Variants in CBFA2T3 observed in about 807,000 individuals in gnomAD.
CBFA2T3 encodes transcriptional corepressor CBFA2T3.
Under a neutral mutation model 58.6 loss-of-function variants are expected in CBFA2T3, and 31 were observed. The observed-to-expected ratio is 0.53, with a 90% confidence interval of 0.40 to 0.71. The LOEUF is 0.71. CBFA2T3 is among the 30% of genes least tolerant of loss of function. The pLI is 0.00. For missense variants in CBFA2T3, 1,076 were observed against 963.1 expected (o/e 1.12, Z -1.55); for synonymous variants, 531 against 421.9 (o/e 1.26, Z -3.17).
chr16:88,879,602 TTGA>T, intron 10 of CBFA2T3, 142 bp from the exon 11 acceptor site: 1 of 704,404 alleles, frequency 1.4e-6, no homozygotes, highest in South Asian at 1.8e-5. Flanking sequence ...AAGGCACATG[TTGA>T]TGGGGCTGTA....
chr16:88,884,938 GCA>G, intron 7 of CBFA2T3, 106 bp downstream of exon 7: 1 of 802,382 alleles, frequency 1.2e-6, no homozygotes, highest in Non-Finnish European at 1.9e-6. Context: ...GAGCTCAGGT[GCA>G]CACAGCTGCC....
At chr16:88,882,615 T>TGTGGGCGTGGCTGTGC in intron 8 of CBFA2T3, 61 bp downstream of exon 8, 1 of 1,039,278 alleles carries the variant, frequency 9.6e-7, no homozygotes, top group Non-Finnish European at 1.4e-6. Flanking sequence ...CGTGGCTGTG[T>TGTGGGCGTGGCTGTGC]GTGTGCGTGG....
intron 1 of CBFA2T3, among the ~76,000 whole-genome samples, chr16:88,969,365 G>A (rs568079516): frequency 6.6e-6 from 1 of 152,360 alleles, no homozygotes; most frequent in African/African-American, 2.4e-5. Flanking sequence ...CTCCCTCCCG[G>A]CTGGTGCCTC....
intron 1 of CBFA2T3, chr16:88,951,256 T>G (rs1026936306): frequency 2.2e-6 from 1 of 447,218 alleles, no homozygotes; most frequent in Non-Finnish European, 4.5e-6. Context: ...TTGGCACCTG[T>G]CTTCCGGGTC....
intron 1 of CBFA2T3, among the ~76,000 whole-genome samples, chr16:88,975,317 C>T (rs993093459): frequency 3.4e-5 from 5 of 149,162 alleles, no homozygotes; most frequent in African/African-American, 1.2e-4. Flanking sequence ...CACCTCTTGG[C>T]CCTAACCTCC....
intron 1 of CBFA2T3, among the ~76,000 whole-genome samples, chr16:88,934,832 C>T (rs1971443769): frequency 6.6e-6 from 1 of 152,186 alleles, no homozygotes; most frequent in South Asian, 2.1e-4. Context: ...CTCTGCCTCC[C>T]GGGTTCACGC....
rs200143043 is a variant in CBFA2T3, at chr16:88,891,966, C to T, written c.627G>A (p.Ser209=). The T allele has an allele frequency of 6.6e-5, 107 of 1,612,510 alleles. No homozygotes were observed. The highest frequency in any genetic ancestry group is 8.7e-5 in the Non-Finnish European group (103 of 1,179,324). The part of the protein sequence containing the change: ...VRTLVLGLVN[S]TLTIEEFHSK... Reference sequence around the variant, plus strand: ...AATGAAACTCCTCGATCGTCAATGTCGAGTTCTGCAGGGGAGAAAACCCAC... The same window carrying T: ...AATGAAACTCCTCGATCGTCAATGTTGAGTTCTGCAGGGGAGAAAACCCAC... The change falls in exon 5 of 12, where the codon TCG becomes TCA. Residue 209 remains serine (S), a synonymous_variant. Transcript: ENST00000268679.
chr16:88,934,132 C>G (rs1270188354), intron 1 of CBFA2T3, among the ~76,000 whole-genome samples: 1 of 149,878 alleles, frequency 6.7e-6, no homozygotes, highest in Non-Finnish European at 1.5e-5. Context: ...TGCCGAAGCT[C>G]CCTTGGGAGA....
intron 1 of CBFA2T3, among the ~76,000 whole-genome samples, chr16:88,926,413 T>C (rs1288845631): frequency 6.6e-6 from 1 of 152,212 alleles, no homozygotes; most frequent in Non-Finnish European, 1.5e-5. Context: ...CCCAGCCTCG[T>C]CTCCAAAATG....
At chr16:88,971,614 C>T (rs575748939) in intron 1 of CBFA2T3, among the ~76,000 whole-genome samples, 31 of 152,322 alleles carry the variant, frequency 2.0e-4, no homozygotes, top group African/African-American at 5.3e-4. Flanking sequence ...ACTTCATTGG[C>T]GCCTGCTGCA....
chr16:88,897,340 A>G (rs1475439553), intron 3 of CBFA2T3, among the ~76,000 whole-genome samples: 1 of 152,246 alleles, frequency 6.6e-6, no homozygotes, highest in Non-Finnish European at 1.5e-5. Context: ...CGGGAGTGCC[A>G]CGACAGCCAC....
At chr16:88,950,104 T>C (rs1597781468) in intron 1 of CBFA2T3, among the ~76,000 whole-genome samples, 1 of 152,106 alleles carries the variant, frequency 6.6e-6, no homozygotes, top group South Asian at 2.1e-4. Context: ...CCTCTCCTCC[T>C]CTCCCGTCTC....
Position 88,880,318 on chromosome 16 carries a change from C to T in CBFA2T3, c.1471+402G>A, listed in dbSNP as rs555480638. Among the ~76,000 whole-genome samples the T allele has an allele frequency of 5.9e-5, 9 of 152,300 alleles. No homozygotes were observed. In the East Asian group the frequency reaches 7.7e-4, roughly 13 times the overall value. On this transcript the variant is annotated intron_variant, in intron 10 of 11. Coordinates refer to ENST00000268679, the MANE Select transcript of CBFA2T3 (RefSeq NM_005187.6). The stretch of plus-strand genomic sequence containing the variant: ...GCCCCTCCCCCAAGGCTGATTCCCA[C>T]GGCATGAGCAAATGTCCCCACAGCC...
rs905680324 is a variant in CBFA2T3 at position 88,941,261 on chromosome 16, C to T, written c.151+35396G>A. ...GCGCGGGAACAAAGCGCGCACCCCGCCCGGGGCGGTCTCCGGCCTCCGCGG... is the reference window on the plus strand; with the variant it reads ...GCGCGGGAACAAAGCGCGCACCCCGTCCGGGGCGGTCTCCGGCCTCCGCGG... On this transcript the variant is annotated intron_variant, in intron 1 of 11. Transcript: ENST00000268679. 24 of 773,082 alleles carry T rather than the reference C, an allele frequency of 3.1e-5. No homozygotes were observed. The African/African-American group carries it at 4.5e-4, about 15-fold the overall frequency. 47.9% of individuals were successfully genotyped at this position (773,082 alleles called of 1,614,324 possible). A position where few individuals can be genotyped will look rare whatever the true frequency, so the allele number is the denominator to read the frequency against.
chr16:88,876,486 A>G lies in CBFA2T3; in HGVS notation c.*490T>C. 1 of 216,160 alleles carries G rather than the reference A, an allele frequency of 4.6e-6. No individual in the cohort carries two copies. The highest frequency in any genetic ancestry group is 9.3e-6 in the Non-Finnish European group (1 of 107,324). The allele number at this position is 216,160 out of a possible 1,614,324, so 13.4% of individuals were successfully genotyped here. On this transcript the variant is annotated 3_prime_UTR_variant, in exon 12 of 12. Transcript: ENST00000268679. The stretch of plus-strand genomic sequence containing the variant: ...CCCCCGTTTTCTTTGTCCATTTCTG[A>G]GTAGCTCTTTTGCCAACACACAAAA...
At chr16:88,905,129 A>AG (rs1306875546) in intron 1 of CBFA2T3, among the ~76,000 whole-genome samples, 2 of 147,034 alleles carry the variant, frequency 1.4e-5, no homozygotes, top group African/African-American at 5.0e-5. Flanking sequence ...CCTGGGAAGG[A>AG]GGGGGGTGGG....
chr16:88,881,376 G>A lies in CBFA2T3; in HGVS notation c.1317C>T (p.Ser439=), dbSNP rs377146698. Residue 439 remains serine, a synonymous_variant, in exon 9 of 12, where the codon AGC becomes AGT. Transcript: ENST00000268679. The stretch of plus-strand genomic sequence containing the variant: ...GGCCCTTCTTTGTGTCCTCGGCGTC[G>A]CTGTAGCGCCGCGCCCAGTGGTTGA... ...EELNHWARRY[S]DAEDTKKGPA... The A allele has an allele frequency of 4.6e-5, 74 of 1,592,554 alleles. No homozygotes were observed. In the East Asian group the frequency reaches 8.7e-4, roughly 19 times the overall value.
chr16:88,878,814 C>T (rs891335522), intron 11 of CBFA2T3, among the ~76,000 whole-genome samples: 4 of 152,178 alleles, frequency 2.6e-5, no homozygotes, highest in Non-Finnish European at 5.9e-5. Context: ...GGTGTGGTGG[C>T]GGGCGCCTGT....
chr16:88,883,965 A>G (rs1406453533), intron 7 of CBFA2T3: 2 of 152,260 alleles, frequency 1.3e-5, no homozygotes, highest in African/African-American at 4.8e-5. Flanking sequence ...CTAGCCTCCG[A>G]ACCTGAAATG....
Sources: allele counts gnomAD v4.1 joint callset (sites outside exome capture counted in the v4.1 genomes callset), GRCh38; gene constraint gnomAD v4.1.1; transcripts MANE v1.5; gene names NCBI Gene and HGNC (gene_info 2026-07-23, HGNC 2026-07-21).